The following MRTFB variants were observed in gnomAD, a reference collection of about 807,000 sequenced individuals.
MRTFB encodes myocardin related transcription factor B.
A neutral mutation model predicts 104.2 loss-of-function variants in MRTFB; 29 were observed. That is an observed-to-expected ratio of 0.28 (90% CI 0.21 to 0.38). The LOEUF (loss-of-function observed/expected upper bound fraction) is 0.38, where lower values mean the gene tolerates loss of function less well. Ranked by LOEUF, MRTFB falls within the 10% of genes least tolerant of loss-of-function variation. MRTFB has a pLI of 1.00. For synonymous variants in MRTFB, 535 were observed against 519.5 expected (o/e 1.03, Z -0.41); for missense variants, 1,270 against 1,341.6 (o/e 0.95, Z 0.83).
chr16:14,182,157 T>C (rs1453234940), intron 3 of MRTFB, among the ~76,000 whole-genome samples: 1 of 152,214 alleles, frequency 6.6e-6, no homozygotes, highest in Non-Finnish European at 1.5e-5. Context: ...TTTCTCCTAC[T>C]GAGGGATACT....
chr16:14,244,172 ACACG>A (rs1567210317), intron 10 of MRTFB, among the ~76,000 whole-genome samples: 1 of 152,104 alleles, frequency 6.6e-6, no homozygotes, highest in African/African-American at 2.4e-5. Flanking sequence ...AACTTCATAT[ACACG>A]CAATCTTACA....
chr16:14,082,405 A>G (rs2034463838), intron 2 of MRTFB, among the ~76,000 whole-genome samples: 1 of 152,154 alleles, frequency 6.6e-6, no homozygotes. Flanking sequence ...ATGTGTCTGT[A>G]TTTTAAGCTA....
the MRTFB span, among the ~76,000 whole-genome samples, chr16:14,061,782 G>A: frequency 1.3e-5 from 2 of 152,140 alleles, no homozygotes; most frequent in Non-Finnish European, 2.9e-5. Context: ...GGAATGAAGT[G>A]TTTGGAACCA....
chr16:14,071,455 A>G (rs2033684580), intron 1 of MRTFB, 90 bp downstream of exon 1: 1 of 152,342 alleles, frequency 6.6e-6, no homozygotes, highest in South Asian at 1.8e-4. Flanking sequence ...GGCCTGGTGA[A>G]CATCCCGCGT....
At chr16:14,200,762 C>T in intron 3 of MRTFB, 1 of 1,475,700 alleles carries the variant, frequency 6.8e-7, no homozygotes, top group Non-Finnish European at 9.5e-7. Flanking sequence ...CTGTCCAGTG[C>T]TGTGGGTGAT....
intron 3 of MRTFB, among the ~76,000 whole-genome samples, chr16:14,172,639 A>G (rs1487819438): frequency 6.6e-6 from 1 of 152,158 alleles, no homozygotes; most frequent in Non-Finnish European, 1.5e-5. Flanking sequence ...CATTCCAACT[A>G]GCACTGTAAG....
intron 2 of MRTFB, among the ~76,000 whole-genome samples, chr16:14,114,730 CGTCTTTGT>C (rs1286042358): frequency 6.6e-6 from 1 of 152,174 alleles, no homozygotes; most frequent in Admixed American, 6.5e-5. Flanking sequence ...TTTTCAGGGA[CGTCTTTGT>C]AGATTCCTTT....
intron 2 of MRTFB, among the ~76,000 whole-genome samples, chr16:14,096,395 A>G (rs914662727): frequency 1.3e-5 from 2 of 152,160 alleles, no homozygotes; most frequent in African/African-American, 4.8e-5. Context: ...TTAGAAAAGG[A>G]ATAACTATTT....
At chr16:14,050,006 T>C in the MRTFB span, among the ~76,000 whole-genome samples, 3 of 152,158 alleles carry the variant, frequency 2.0e-5, no homozygotes, top group African/African-American at 7.2e-5. Flanking sequence ...GTGCTGGGAT[T>C]ACAGGCGTGA....
In MRTFB at chr16:14,261,654, G is replaced by T; in HGVS notation, c.*210G>T. The T allele has an allele frequency of 2.0e-6, 1 of 493,296 alleles. No homozygotes were observed. The highest frequency in any genetic ancestry group is 3.5e-6 in the Non-Finnish European group (1 of 286,862). The allele number at this position is 493,296 out of a possible 1,614,324, so 30.6% of individuals were successfully genotyped here. On this transcript the variant is annotated 3_prime_UTR_variant, in exon 17 of 17. Coordinates refer to ENST00000571589, the MANE Select transcript of MRTFB (RefSeq NM_001308142.2). Reference sequence around the variant, plus strand: ...ATTTCTACAGTTTAACATAGCACAGGGCCTTCTGAAAATCGCACTTGTCAA... The same window carrying T: ...ATTTCTACAGTTTAACATAGCACAGTGCCTTCTGAAAATCGCACTTGTCAA...
At chr16:14,019,783 C>A in the MRTFB span, among the ~76,000 whole-genome samples, 27 of 152,140 alleles carry the variant, frequency 1.8e-4, no homozygotes, top group Non-Finnish European at 1.0e-4. Flanking sequence ...TCCCGCTGAA[C>A]CCAAACCACA....
At chr16:14,161,727 TA>T (rs1363710313) in intron 3 of MRTFB, among the ~76,000 whole-genome samples, 3 of 152,230 alleles carry the variant, frequency 2.0e-5, no homozygotes, top group Admixed American at 1.3e-4. Flanking sequence ...GAAGGACTTC[TA>T]CACGCCAGTA....
At chr16:14,207,652 G>A (rs2041008955) in intron 3 of MRTFB, among the ~76,000 whole-genome samples, 1 of 152,212 alleles carries the variant, frequency 6.6e-6, no homozygotes. Flanking sequence ...GGCATGGCCA[G>A]AGGAAAGGTG....
At chr16:14,142,998 CA>C (rs2038089527) in intron 3 of MRTFB, 1 of 152,160 alleles carries the variant, frequency 6.6e-6, no homozygotes, top group African/African-American at 2.4e-5. Flanking sequence ...CCATCCTACT[CA>C]AAGTCTATAT....
chr16:14,087,481 A>G (rs2034789855), intron 2 of MRTFB, among the ~76,000 whole-genome samples: 2 of 152,186 alleles, frequency 1.3e-5, no homozygotes, highest in African/African-American at 2.4e-5. Context: ...TAGATGTCCA[A>G]TGTGGGAATA....
intron 2 of MRTFB, among the ~76,000 whole-genome samples, chr16:14,081,823 C>T (rs1187958002): frequency 6.6e-6 from 1 of 152,162 alleles, no homozygotes; most frequent in South Asian, 2.1e-4. Context: ...TCAAGCAGTC[C>T]ACCCGCCTCG....
chr16:14,203,962 GTTTA>G (rs746065775), intron 3 of MRTFB, among the ~76,000 whole-genome samples: 54 of 151,758 alleles, frequency 3.6e-4, no homozygotes, highest in Non-Finnish European at 5.4e-4. Flanking sequence ...TGTTTTGTGT[GTTTA>G]TTTGTTTGTT....
At chr16:14,145,403 A>G (rs1458134713) in intron 3 of MRTFB, among the ~76,000 whole-genome samples, 2 of 152,192 alleles carry the variant, frequency 1.3e-5, no homozygotes, top group Non-Finnish European at 2.9e-5. Context: ...GTAATATATA[A>G]TAGTTTATAA....
chr16:14,266,263 G>C lies in MRTFB; in HGVS notation c.*4819G>C, dbSNP rs1210553704. On this transcript the variant is annotated 3_prime_UTR_variant, in exon 17 of 17. Transcript: ENST00000571589. ...TAAAATAGTATAGAGTTGTTTTGTT[G>C]GTTTAAGAGTAACATTCAGTAGTAA... 1 of 152,200 alleles carries C rather than the reference G, an allele frequency of 6.6e-6. No homozygotes were observed. The highest frequency in any genetic ancestry group is 2.1e-4 in the South Asian group (1 of 4,818). The allele number at this position is 152,200 out of a possible 1,614,324, so 9.4% of individuals were successfully genotyped here.
Sources: allele counts gnomAD v4.1 joint callset (sites outside exome capture counted in the v4.1 genomes callset), GRCh38; gene constraint gnomAD v4.1.1; transcripts MANE v1.5; gene names NCBI Gene and HGNC (gene_info 2026-07-23, HGNC 2026-07-21).